PAN3: variants seen among roughly 807,000 people sequenced by gnomAD.
The protein encoded by PAN3 is poly(A) specific ribonuclease subunit PAN3.
PAN3 carries 19 observed loss-of-function variants against 96.2 expected under a neutral mutation model. The observed-to-expected ratio is 0.20, with a 90% CI of 0.14 to 0.29. The LOEUF (loss-of-function observed/expected upper bound fraction) is 0.29. Ranked by LOEUF, PAN3 falls within the 10% of genes least tolerant of loss-of-function variation. The probability of loss-of-function intolerance (pLI) is 1.00; values close to 1 mark genes in which losing one functional copy is unlikely to be tolerated. For synonymous variants in PAN3, 433 were observed against 406.6 expected, an observed-to-expected ratio of 1.06 and a Z score of -0.78; for missense variants, 882 against 1,108.1, an observed-to-expected ratio of 0.80 and a Z score of 2.90.
At chr13:28,252,346 ACT>A (rs1206460114) in intron 6 of PAN3, among the ~76,000 whole-genome samples, 1 of 151,466 alleles carries the variant, frequency 6.6e-6, no homozygotes, top group Non-Finnish European at 1.5e-5. Flanking sequence ...TATTGTCCTA[ACT>A]GGTTGGTTGT....
rs1238728487 is a variant in PAN3 at position 28,293,446 on chromosome 13, T to G, written c.*924T>G. ...GGGGGGGAGGTTTATGAAGTTTTGC[T>G]CTTTGAACCACAGCTTTATTATGGT... On this transcript the variant is annotated 3_prime_UTR_variant, in exon 19 of 19. Transcript: ENST00000380958. 6.8e-6 allele frequency: 1 copy of G among 147,650 alleles called. No homozygotes were observed. The highest frequency in any genetic ancestry group is 2.0e-4 in the East Asian group (1 of 4,996). 9.1% of individuals were successfully genotyped at this position (147,650 alleles called of 1,614,324 possible).
At chr13:28,240,613 T>A (rs532049199) in intron 6 of PAN3, among the ~76,000 whole-genome samples, 2 of 152,250 alleles carry the variant, frequency 1.3e-5, no homozygotes, top group South Asian at 4.1e-4. Context: ...CATGGCAGAG[T>A]TTAGAAAATT....
intron 9 of PAN3, among the ~76,000 whole-genome samples, chr13:28,263,773 G>C (rs916870326): frequency 1.3e-5 from 2 of 152,078 alleles, no homozygotes; most frequent in Admixed American, 1.3e-4. Context: ...ATAAATGAGT[G>C]TATTTTATCT....
intron 5 of PAN3, chr13:28,215,955 G>A: frequency 4.0e-6 from 4 of 995,140 alleles, no homozygotes; most frequent in Non-Finnish European, 6.3e-6. Context: ...AATGGTCTCA[G>A]GACTGTTAGT....
intron 9 of PAN3, among the ~76,000 whole-genome samples, chr13:28,266,398 AT>A (rs2138646120): frequency 6.6e-6 from 1 of 152,320 alleles, no homozygotes; most frequent in East Asian, 1.9e-4. Flanking sequence ...CTCCAGAAAA[AT>A]TTATCTCAGT....
chr13:28,248,241 T>C (rs1168008250), intron 6 of PAN3, among the ~76,000 whole-genome samples: 3 of 152,196 alleles, frequency 2.0e-5, no homozygotes, highest in Non-Finnish European at 4.4e-5. Flanking sequence ...CATATATAAA[T>C]GTTACTGGTT....
intron 4 of PAN3, among the ~76,000 whole-genome samples, chr13:28,186,696 C>T (rs1330243021): frequency 6.6e-6 from 1 of 152,156 alleles, no homozygotes; most frequent in African/African-American, 2.4e-5. Flanking sequence ...AGTAGACATT[C>T]TGGCAGCTAC....
At chr13:28,178,932 C>T (rs561105455) in intron 4 of PAN3, among the ~76,000 whole-genome samples, 1 of 151,980 alleles carries the variant, frequency 6.6e-6, no homozygotes, top group Admixed American at 6.6e-5. Flanking sequence ...GTCAATCAGA[C>T]CTCAATAAAG....
At chr13:28,156,193 T>C (rs528474237) in intron 1 of PAN3, among the ~76,000 whole-genome samples, 9 of 150,254 alleles carry the variant, frequency 6.0e-5, no homozygotes, top group African/African-American at 1.7e-4. Context: ...AAAAAGAAGA[T>C]CCAAATAAAC....
In PAN3 at chr13:28,266,693, ATCT is replaced by A. The variant is rs1444925068; in HGVS notation, c.1412-17_1412-15del. ...TTATGAATGCCTGTATTTTCAAGTC[ATCT>A]TCTTATGAATTACTCTAGCAGTTCC... On this transcript the variant is annotated intron_variant, in intron 9 of 18. Coordinates refer to ENST00000380958, the MANE Select transcript of PAN3 (RefSeq NM_175854.8). The A allele has an allele frequency of 1.3e-5, 19 of 1,512,388 alleles. No homozygotes were observed. Among genetic ancestry groups the A allele is most frequent in the African/African-American group, 5.6e-5 (4 of 71,014 alleles). The allele number at this position is 1,512,388 out of a possible 1,614,324, so 93.7% of individuals were successfully genotyped here. A position where few individuals can be genotyped will look rare whatever the true frequency, so the allele number is the denominator to read the frequency against.
intron 9 of PAN3, among the ~76,000 whole-genome samples, chr13:28,262,044 G>A (rs1446672459): frequency 6.6e-6 from 1 of 152,058 alleles, no homozygotes; most frequent in Non-Finnish European, 1.5e-5. Flanking sequence ...GTAATTATTA[G>A]GCCTATTTGT....
chr13:28,190,106 G>A (rs1877049792), intron 4 of PAN3, among the ~76,000 whole-genome samples: 1 of 152,120 alleles, frequency 6.6e-6, no homozygotes, highest in Admixed American at 6.6e-5. Context: ...ACCACGCCTG[G>A]CTAATTTTTG....
chr13:28,293,359 A>T lies in PAN3; in HGVS notation c.*837A>T, dbSNP rs1202019448. 1.8e-4 allele frequency: 15 copies of T among 83,502 alleles called. No individual in the cohort carries two copies. The highest frequency in any genetic ancestry group is 3.2e-4 in the Non-Finnish European group (14 of 43,446). The allele number at this position is 83,502 out of a possible 1,614,324, so 5.2% of individuals were successfully genotyped here. ...TTAAAGGCCTAAAGTTCAGGAGTGT[A>T]TTACTTTAGGTTCTTTCCAGTTTGC... On this transcript the variant is annotated 3_prime_UTR_variant, in exon 19 of 19. Transcript: ENST00000380958.
chr13:28,278,426 A>G (rs1459797679), intron 15 of PAN3, among the ~76,000 whole-genome samples: 1 of 152,246 alleles, frequency 6.6e-6, no homozygotes, highest in East Asian at 1.9e-4. Context: ...ATTTCAGGTT[A>G]TAATCTCTAA....
At chr13:28,163,326 T>TC in intron 1 of PAN3, among the ~76,000 whole-genome samples, 1 of 152,322 alleles carries the variant, frequency 6.6e-6, no homozygotes, top group Non-Finnish European at 1.5e-5. Flanking sequence ...AGTTTTTTTT[T>TC]CTCAAATGAG....
chr13:28,139,683 G>A (rs970499669), intron 1 of PAN3, among the ~76,000 whole-genome samples: 4 of 152,052 alleles, frequency 2.6e-5, no homozygotes, highest in Non-Finnish European at 4.4e-5. Flanking sequence ...GGAGGGAGCG[G>A]ACTGTCGCGT....
intron 5 of PAN3, among the ~76,000 whole-genome samples, chr13:28,219,729 C>T (rs145239753): frequency 1.7e-3 from 260 of 152,196 alleles, no homozygotes; most frequent in Non-Finnish European, 3.1e-3. Flanking sequence ...CCATATTTGC[C>T]GTGTTTTTAA....
intron 7 of PAN3, among the ~76,000 whole-genome samples, 188 bp from the exon 8 acceptor site, chr13:28,260,259 G>C (rs1885584163): frequency 6.6e-6 from 1 of 152,042 alleles, no homozygotes; most frequent in Non-Finnish European, 1.5e-5. Flanking sequence ...AGCTGGGCAT[G>C]ATGGTGGGTA....
chr13:28,139,158 C>G lies in PAN3; in HGVS notation c.430+71C>G, dbSNP rs551165920. 188 of 1,242,412 alleles carry G rather than the reference C, an allele frequency of 1.5e-4. No homozygotes were observed. The African/African-American group carries it at 2.6e-3, about 17-fold the overall frequency. 77.0% of individuals were successfully genotyped at this position (1,242,412 alleles called of 1,614,324 possible). ...CCTGGGCCGGATGAGGCCCTGCTGC[C>G]GACGGGAGCTGAGCACGGCCCGCGG... On this transcript the variant is annotated intron_variant, in intron 1 of 18. Coordinates refer to ENST00000380958, the MANE Select transcript of PAN3 (RefSeq NM_175854.8).
Sources: gnomAD v4.1 joint callset for allele counts (sites outside exome capture counted in the v4.1 genomes callset) on GRCh38, gnomAD v4.1.1 for gene constraint, MANE v1.5 for transcripts, NCBI Gene and HGNC (gene_info 2026-07-23, HGNC 2026-07-21) for gene names.